Variants in FAM193A observed in about 807,000 individuals in gnomAD.
FAM193A encodes the protein family with sequence similarity 193 member A, also known as protein FAM193A.
A neutral mutation model predicts 126.5 loss-of-function variants in FAM193A; 22 were observed. The observed-to-expected ratio is 0.17, with a 90% CI of 0.12 to 0.25. FAM193A has a LOEUF of 0.25. Among genes scored for constraint, FAM193A ranks in the 10% least tolerant of loss-of-function variants. FAM193A has a pLI of 1.00. For synonymous variants in FAM193A, 761 were observed against 646.8 expected (o/e 1.18, Z -2.68); for missense variants, 1,675 against 1,672.8 (o/e 1.00, Z -0.02).
intron 12 of FAM193A, among the ~76,000 whole-genome samples, chr4:2,664,667 A>G (rs771390603): frequency 6.8e-6 from 1 of 146,796 alleles, no homozygotes; most frequent in Non-Finnish European, 1.5e-5. Context: ...TTCGGGTTCA[A>G]GCAATTCTGC....
intron 2 of FAM193A, among the ~76,000 whole-genome samples, chr4:2,614,225 C>A (rs981648470): frequency 6.6e-6 from 1 of 152,200 alleles, no homozygotes; most frequent in African/African-American, 2.4e-5. Context: ...TAAGCATCCT[C>A]TTGCTCATGA....
At chr4:2,679,935 C>T (rs2109207018) in intron 13 of FAM193A, among the ~76,000 whole-genome samples, 1 of 151,736 alleles carries the variant, frequency 6.6e-6, no homozygotes, top group South Asian at 2.1e-4. Flanking sequence ...TCTCCACTCA[C>T]TGCAACCTCC....
At chr4:2,715,559 G>C (rs989358187) in intron 19 of FAM193A, 2 of 988,622 alleles carry the variant, frequency 2.0e-6, no homozygotes, top group East Asian at 1.1e-4. Flanking sequence ...TTCCTGTCAA[G>C]GGCACATTCG....
rs116755409 is a variant in FAM193A at position 2,679,213 on chromosome 4, G to A, written c.2331+6841G>A. Among the ~76,000 whole-genome samples the A allele has an allele frequency of 7.2e-3, 1,091 of 152,100 alleles. 8 individuals are homozygous for A. Among genetic ancestry groups the A allele is most frequent in the Non-Finnish European group, 0.012 (796 of 67,998 alleles). ...TCTGTTAATGTGGCATATTAACATT[G>A]ATTACTTTTTATACATAGAATTATC... is the stretch of plus-strand genomic sequence containing the variant. On this transcript the variant is annotated intron_variant, in intron 13 of 20. Coordinates refer to ENST00000637812, the MANE Select transcript of FAM193A (RefSeq NM_001366318.2).
rs1226143087 is a variant in FAM193A, at chr4:2,547,624, G to A, written c.255+10454G>A. ...TGTGTCTGTGTGTGTGTGTGTGTGT[G>A]TATGTATTTTTTTTTTTTGGAAGTG... On this transcript the variant is annotated intron_variant, in intron 1 of 20. Transcript: ENST00000637812. 2.7e-5 allele frequency among the ~76,000 whole-genome samples: 4 copies of A among 150,582 alleles called. No individual in the cohort carries two copies. The East Asian group carries it at 7.8e-4, about 29-fold the overall frequency.
rs1715982354 is a variant in FAM193A, at chr4:2,688,372, A to G, written c.2332-1134A>G. ...TTCCTGGGAGGTGACAGCAAAGGCAACGCCGGCTTCTCTGAGGAAGCGATC... is the reference window on the plus strand; with the variant it reads ...TTCCTGGGAGGTGACAGCAAAGGCAGCGCCGGCTTCTCTGAGGAAGCGATC... On this transcript the variant is annotated intron_variant, in intron 13 of 20. Coordinates refer to ENST00000637812, the MANE Select transcript of FAM193A (RefSeq NM_001366318.2). Among the ~76,000 whole-genome samples, 2 of 152,120 alleles carry G rather than the reference A, an allele frequency of 1.3e-5. 1 individual carries two copies. Among genetic ancestry groups the G allele is most frequent in the South Asian group, 4.1e-4 (2 of 4,820 alleles).
intron 15 of FAM193A, among the ~76,000 whole-genome samples, chr4:2,692,642 A>C (rs1716529498): frequency 6.6e-6 from 1 of 152,236 alleles, no homozygotes. Context: ...AGACAAATCC[A>C]AATTGGCAGA....
intron 20 of FAM193A, among the ~76,000 whole-genome samples, chr4:2,729,718 C>T (rs991299440): frequency 1.3e-5 from 2 of 152,220 alleles, no homozygotes; most frequent in African/African-American, 2.4e-5. Flanking sequence ...TGAAGCCATG[C>T]TCCCACCACA....
chr4:2,598,761 A>G (rs1741017472), intron 2 of FAM193A, among the ~76,000 whole-genome samples: 1 of 152,178 alleles, frequency 6.6e-6, no homozygotes, highest in African/African-American at 2.4e-5. Context: ...AGGTCAGTGC[A>G]TTTGGCCTCA....
chr4:2,689,550 G>T lies in FAM193A; in HGVS notation c.2376G>T (p.Gln792His). 1 of 1,546,550 alleles carries T rather than the reference G, an allele frequency of 6.5e-7. No individual in the cohort carries two copies. The highest frequency in any genetic ancestry group is 1.3e-5 in the South Asian group (1 of 78,374). The change falls in exon 14 of 21, where the codon CAG becomes CAT. Residue 792 changes from glutamine (Q) to histidine (H), a missense_variant. Physicochemically the swap from Gln to His is conservative, Grantham distance 24. Transcript: ENST00000637812. ...TTCAGAATCACACAAATAAGCATCA[G>T]GTATTCAATGCATCTCTTCAAGACC... Reference protein sequence around the residue: ...APVQNHTNKHQVFNASLQDHI... With the variant: ...APVQNHTNKHHVFNASLQDHI...
At chr4:2,557,510 T>G (rs1345239873) in intron 1 of FAM193A, among the ~76,000 whole-genome samples, 1 of 152,236 alleles carries the variant, frequency 6.6e-6, no homozygotes, top group East Asian at 1.9e-4. Context: ...ACAGTGCATT[T>G]AGCAGCCCAG....
chr4:2,567,638 T>C (rs902636940), intron 1 of FAM193A, among the ~76,000 whole-genome samples: 4 of 152,364 alleles, frequency 2.6e-5, no homozygotes, highest in African/African-American at 7.2e-5. Flanking sequence ...ATATTTTGTG[T>C]ATTTTTTTAA....
chr4:2,540,510 G>A (rs1737164936), intron 1 of FAM193A, among the ~76,000 whole-genome samples: 1 of 150,684 alleles, frequency 6.6e-6, no homozygotes, highest in South Asian at 2.1e-4. Context: ...AGCCAGGCGT[G>A]GTGGCGGGCG....
At chr4:2,557,309 G>A (rs1384983474) in intron 1 of FAM193A, among the ~76,000 whole-genome samples, 1 of 152,122 alleles carries the variant, frequency 6.6e-6, no homozygotes, top group African/African-American at 2.4e-5. Context: ...GGATGAGGGC[G>A]ATGAGGGCAT....
At chr4:2,562,297 A>G (rs1377521922) in intron 1 of FAM193A, among the ~76,000 whole-genome samples, 1 of 152,040 alleles carries the variant, frequency 6.6e-6, no homozygotes, top group Admixed American at 6.6e-5. Flanking sequence ...AAAAATATAG[A>G]AAAAATCAGC....
Position 2,693,613 on chromosome 4 carries a change from A to G in FAM193A, c.2831A>G (p.Glu944Gly), listed in dbSNP as rs1235474155. The G allele has an allele frequency of 1.2e-6, 2 of 1,613,408 alleles. No individual in the cohort carries two copies. Among genetic ancestry groups the G allele is most frequent in the Admixed American group, 1.7e-5 (1 of 59,988 alleles). Residue 944 changes from glutamate (E) to glycine (G), a missense_variant, in exon 16 of 21, where the codon GAG becomes GGG. Around this residue, in one of 4 missense-constraint regions of FAM193A, gnomAD observed 1,186 missense variants for 1,109.2 expected, o/e 1.07. Coordinates refer to ENST00000637812, the MANE Select transcript of FAM193A (RefSeq NM_001366318.2). ...VGDVFHGISK[E>G]DHRHSAPAAP... ...GACGTGTTTCATGGCATCAGCAAGG[A>G]GGACCACAGACACTCGGCCCCAGCC... is the stretch of plus-strand genomic sequence containing the variant.
intron 2 of FAM193A, among the ~76,000 whole-genome samples, chr4:2,611,560 C>T (rs1221653515): frequency 6.6e-6 from 1 of 152,176 alleles, no homozygotes; most frequent in East Asian, 1.9e-4. Context: ...AGGCGTGAGC[C>T]ACCACGCCCG....
At position 2,607,450 on chromosome 4, in the gene FAM193A, G is replaced by T. The variant is rs191705055; in HGVS notation, c.501+11121G>T. ...ACAAATTTGAAAATAGTTTTGACTC[G>T]TGGGCCTGCTGAAGGGTGTTAGGGT... On this transcript the variant is annotated intron_variant, in intron 2 of 20. Transcript: ENST00000637812. 3.9e-5 allele frequency among the ~76,000 whole-genome samples: 6 copies of T among 152,226 alleles called. No individual in the cohort carries two copies. In the East Asian group the frequency reaches 1.2e-3, roughly 29 times the overall value.
At chr4:2,681,484 T>C (rs1402536115) in intron 13 of FAM193A, among the ~76,000 whole-genome samples, 2 of 152,148 alleles carry the variant, frequency 1.3e-5, no homozygotes, top group East Asian at 3.8e-4. Context: ...CAAAGCTTAC[T>C]CAGTTGCCCA....
Sources: allele counts gnomAD v4.1 joint callset (sites outside exome capture counted in the v4.1 genomes callset), GRCh38; gene constraint gnomAD v4.1.1; regional missense constraint gnomAD v4.1.1; transcripts MANE v1.5; gene names NCBI Gene and HGNC (gene_info 2026-07-23, HGNC 2026-07-21).